The following NTRK2 variants were observed in gnomAD, a reference collection of about 807,000 sequenced individuals.
NTRK2 encodes BDNF/NT-3 growth factors receptor.
In NTRK2, 13 loss-of-function variants were observed where a neutral mutation model predicts 94.5. That is an observed-to-expected ratio of 0.14 (90% CI 0.09 to 0.22). The LOEUF (loss-of-function observed/expected upper bound fraction) is 0.22, where lower values mean the gene tolerates loss of function less well. Ranked by LOEUF, NTRK2 falls within the 10% of genes least tolerant of loss-of-function variation. The pLI, the probability that NTRK2 is intolerant of heterozygous loss-of-function variation, is 1.00. For synonymous variants in NTRK2, 372 were observed against 407.4 expected (o/e 0.91, Z 1.05); for missense variants, 639 against 1,071.2 (o/e 0.60, Z 5.63).
intron 2 of NTRK2, among the ~76,000 whole-genome samples, chr9:84,674,301 G>A (rs953106987): frequency 5.3e-5 from 8 of 152,098 alleles, no homozygotes; most frequent in Admixed American, 2.6e-4. Context: ...TTTGAGAACA[G>A]CCTTATATTT....
At chr9:84,893,333 G>T (rs903912702) in intron 14 of NTRK2, among the ~76,000 whole-genome samples, 2 of 152,200 alleles carry the variant, frequency 1.3e-5, no homozygotes, top group African/African-American at 4.8e-5. Flanking sequence ...TTAAAAATCT[G>T]AAATCATGTA....
intron 15 of NTRK2, among the ~76,000 whole-genome samples, chr9:84,948,121 AAGCTGCACATAGCATCAC>A: frequency 6.6e-6 from 1 of 152,336 alleles, no homozygotes; most frequent in South Asian, 2.1e-4. Flanking sequence ...GAGCAGAGGT[AAGCTGCACATAGCATCAC>A]AGAAAGAAAG....
chr9:84,913,110 T>C (rs1160439792), intron 14 of NTRK2, among the ~76,000 whole-genome samples: 2 of 152,198 alleles, frequency 1.3e-5, no homozygotes, highest in East Asian at 3.8e-4. Context: ...TCTTTGATTG[T>C]TGTTTTTGTT....
intron 14 of NTRK2, among the ~76,000 whole-genome samples, chr9:84,881,350 T>C (rs1300792781): frequency 1.3e-5 from 2 of 152,224 alleles, no homozygotes; most frequent in African/African-American, 4.8e-5. Flanking sequence ...TATGTCTCTG[T>C]TGGATGATGA....
chr9:84,880,966 T>C (rs1054273319), intron 14 of NTRK2, among the ~76,000 whole-genome samples: 6 of 152,204 alleles, frequency 3.9e-5, no homozygotes, highest in African/African-American at 1.4e-4. Flanking sequence ...TTTACTAGAG[T>C]GTTCCAAGCC....
At chr9:84,962,036 A>G (rs933881456) in intron 17 of NTRK2, among the ~76,000 whole-genome samples, 1 of 152,198 alleles carries the variant, frequency 6.6e-6, no homozygotes, top group Non-Finnish European at 1.5e-5. Context: ...TCTTGAGGCT[A>G]TTATCACATT....
intron 14 of NTRK2, among the ~76,000 whole-genome samples, chr9:84,916,940 G>T (rs1279495218): frequency 6.6e-6 from 1 of 152,144 alleles, no homozygotes; most frequent in Non-Finnish European, 1.5e-5. Context: ...AAAATTAATT[G>T]TTGCTAATTA....
At chr9:84,961,860 T>G (rs552040344) in intron 17 of NTRK2, among the ~76,000 whole-genome samples, 1 of 152,342 alleles carries the variant, frequency 6.6e-6, no homozygotes, top group South Asian at 2.1e-4. Flanking sequence ...TGAGCTGGTA[T>G]TTAAGATATA....
intron 12 of NTRK2, among the ~76,000 whole-genome samples, chr9:84,756,746 A>G (rs373876159): frequency 1.1e-4 from 16 of 152,176 alleles, no homozygotes; most frequent in African/African-American, 3.9e-4. Flanking sequence ...CTTGTATGTA[A>G]ACTCCCCTAT....
chr9:84,978,076 C>T lies in NTRK2; in HGVS notation c.2172+22559C>T, dbSNP rs543144687. Reference sequence around the variant, plus strand: ...GGCCTCTCTATTCCCTGATACATACCAATATTGAAATTTGGACAATTAATA... The same window carrying T: ...GGCCTCTCTATTCCCTGATACATACTAATATTGAAATTTGGACAATTAATA... On this transcript the variant is annotated intron_variant, in intron 17 of 18. Coordinates refer to ENST00000277120, the MANE Select transcript of NTRK2 (RefSeq NM_006180.6). Among the ~76,000 whole-genome samples the T allele has an allele frequency of 8.5e-5, 13 of 152,232 alleles. No individual in the cohort carries two copies. The South Asian group carries it at 2.5e-3, about 29-fold the overall frequency.
At chr9:84,784,421 T>G (rs2067921041) in intron 12 of NTRK2, among the ~76,000 whole-genome samples, 1 of 152,220 alleles carries the variant, frequency 6.6e-6, no homozygotes, top group Non-Finnish European at 1.5e-5. Context: ...TTTGCTGGCT[T>G]TCCATCTTCT....
chr9:84,808,809 C>T (rs2071416213), intron 12 of NTRK2, among the ~76,000 whole-genome samples: 1 of 152,156 alleles, frequency 6.6e-6, no homozygotes, highest in Non-Finnish European at 1.5e-5. Flanking sequence ...AATTAAGCTC[C>T]ATAGACTCTT....
At chr9:84,717,829 A>G (rs1469695458) in intron 6 of NTRK2, among the ~76,000 whole-genome samples, 6 of 152,214 alleles carry the variant, frequency 3.9e-5, no homozygotes, top group Non-Finnish European at 8.8e-5. Context: ...ATGAAAATAA[A>G]GCCACAACAA....
At chr9:84,899,246 T>C (rs555960611) in intron 14 of NTRK2, among the ~76,000 whole-genome samples, 1 of 152,338 alleles carries the variant, frequency 6.6e-6, no homozygotes, top group Non-Finnish European at 1.5e-5. Context: ...TCAGAAAATT[T>C]GAATGACTTT....
chr9:84,816,250 A>C (rs965039636), intron 12 of NTRK2, among the ~76,000 whole-genome samples: 2 of 152,220 alleles, frequency 1.3e-5, no homozygotes, highest in Admixed American at 6.5e-5. Flanking sequence ...CCCACACTTC[A>C]TGTCCCTTTT....
chr9:84,935,548 C>A (rs1004970119), intron 15 of NTRK2, among the ~76,000 whole-genome samples: 1 of 152,004 alleles, frequency 6.6e-6, no homozygotes, highest in African/African-American at 2.4e-5. Context: ...AAAGAACAGG[C>A]CTTCCTAGGA....
chr9:84,685,643 C>G (rs149572483), intron 2 of NTRK2, among the ~76,000 whole-genome samples: 79 of 152,290 alleles, frequency 5.2e-4, no homozygotes, highest in African/African-American at 1.7e-3. Flanking sequence ...TGCCATGATA[C>G]AGCCACTCTG....
intron 12 of NTRK2, among the ~76,000 whole-genome samples, chr9:84,790,105 CTT>C (rs1264129388): frequency 6.6e-6 from 1 of 152,182 alleles, no homozygotes; most frequent in Non-Finnish European, 1.5e-5. Context: ...TAGACAGACT[CTT>C]GGTCTGGGAA....
intron 2 of NTRK2, among the ~76,000 whole-genome samples, chr9:84,697,971 C>A (rs182270951): frequency 2.0e-5 from 3 of 152,066 alleles, no homozygotes; most frequent in Admixed American, 2.0e-4. Flanking sequence ...TCTTTCTTTT[C>A]TTTTTTCTTC....
Sources: allele counts gnomAD v4.1 joint callset (sites outside exome capture counted in the v4.1 genomes callset), GRCh38; gene constraint gnomAD v4.1.1; transcripts MANE v1.5; gene names NCBI Gene and HGNC (gene_info 2026-07-23, HGNC 2026-07-21).